XYLT1: variants seen among roughly 807,000 people sequenced by gnomAD.
The protein encoded by XYLT1 is xylosyltransferase 1.
Under a neutral mutation model 91.3 loss-of-function variants are expected in XYLT1, and 36 were observed. The ratio of observed to expected loss-of-function variants is 0.39; its 90% CI spans 0.30 to 0.52. XYLT1 has a LOEUF of 0.52. Ranked by LOEUF, XYLT1 falls within the 20% of genes least tolerant of loss-of-function variation. The pLI is 0.68. For missense variants in XYLT1, 1,242 were observed against 1,284.5 expected, an observed-to-expected ratio of 0.97 and a Z score of 0.51; for synonymous variants, 588 against 532.0, an observed-to-expected ratio of 1.11 and a Z score of -1.45.
rs138525069 is a variant in XYLT1 at position 17,131,729 on chromosome 16, A to C, written c.2027+2744T>G. Among the ~76,000 whole-genome samples, 397 of 152,382 alleles carry C rather than the reference A, an allele frequency of 2.6e-3. 3 individuals are homozygous for C. The Middle Eastern group carries it at 0.031, about 12-fold the overall frequency. On this transcript the variant is annotated intron_variant, in intron 9 of 11. Coordinates refer to ENST00000261381, the MANE Select transcript of XYLT1 (RefSeq NM_022166.4). ...AAAATCAATAAACATTATTTAATGAAAGGTTATATTATAGACTGGAAAGGC... is the reference window on the plus strand; with the variant it reads ...AAAATCAATAAACATTATTTAATGACAGGTTATATTATAGACTGGAAAGGC...
intron 2 of XYLT1, among the ~76,000 whole-genome samples, chr16:17,302,238 A>C (rs749073796): frequency 7.7e-4 from 117 of 152,088 alleles, no homozygotes; most frequent in Middle Eastern, 3.4e-3. Flanking sequence ...ACTAATAATA[A>C]TAATAATAAA....
chr16:17,162,903 G>C (rs2031589151), intron 5 of XYLT1, among the ~76,000 whole-genome samples: 1 of 152,112 alleles, frequency 6.6e-6, no homozygotes, highest in South Asian at 2.1e-4. Context: ...GGAGAACCCG[G>C]ACTATGAATG....
intron 3 of XYLT1, among the ~76,000 whole-genome samples, chr16:17,239,497 C>A (rs1163393890): frequency 8.2e-6 from 1 of 121,710 alleles, no homozygotes; most frequent in South Asian, 3.2e-4. Context: ...CCACCCAGTC[C>A]ATCTATTCAT....
intron 5 of XYLT1, among the ~76,000 whole-genome samples, chr16:17,161,209 C>T (rs1282928458): frequency 6.6e-6 from 1 of 152,202 alleles, no homozygotes; most frequent in Admixed American, 6.5e-5. Flanking sequence ...CACCGAGTCC[C>T]CATCTGACGG....
chr16:17,318,891 G>A (rs1375503257), intron 2 of XYLT1, among the ~76,000 whole-genome samples: 1 of 151,572 alleles, frequency 6.6e-6, no homozygotes, highest in Non-Finnish European at 1.5e-5. Flanking sequence ...GGGTTCAAGC[G>A]ATTCTCCTGC....
intron 4 of XYLT1, among the ~76,000 whole-genome samples, chr16:17,199,487 C>G (rs2032492403): frequency 6.6e-6 from 1 of 152,144 alleles, no homozygotes; most frequent in Non-Finnish European, 1.5e-5. Flanking sequence ...AGTGTACGCA[C>G]TCCTGGGATA....
At position 17,396,079 on chromosome 16, in the gene XYLT1, C is replaced by T. The variant is rs112369942; in HGVS notation, c.364-38029G>A. Among the ~76,000 whole-genome samples, 261 of 152,312 alleles carry T rather than the reference C, an allele frequency of 1.7e-3. 1 individual carries two copies. Among genetic ancestry groups the T allele is most frequent in the African/African-American group, 5.7e-3 (238 of 41,562 alleles). Reference sequence around the variant, plus strand: ...ATTCTCGACGCATGAAAAACAAAGGCGTCTGGCTTGGGAAAGTTTGTCCCA... The same window carrying T: ...ATTCTCGACGCATGAAAAACAAAGGTGTCTGGCTTGGGAAAGTTTGTCCCA... On this transcript the variant is annotated intron_variant, in intron 1 of 11. Transcript: ENST00000261381.
At chr16:17,302,237 A>T in intron 2 of XYLT1, among the ~76,000 whole-genome samples, 1 of 152,074 alleles carries the variant, frequency 6.6e-6, no homozygotes, top group Admixed American at 6.5e-5. Context: ...TACTAATAAT[A>T]ATAATAATAA....
chr16:17,463,519 A>T (rs1354288412), intron 1 of XYLT1, among the ~76,000 whole-genome samples: 1 of 152,236 alleles, frequency 6.6e-6, no homozygotes, highest in Non-Finnish European at 1.5e-5. Context: ...AAGCACAGTG[A>T]GATATCATCT....
intron 1 of XYLT1, among the ~76,000 whole-genome samples, chr16:17,391,103 C>A (rs748488287): frequency 1.3e-5 from 2 of 152,106 alleles, no homozygotes; most frequent in Non-Finnish European, 2.9e-5. Flanking sequence ...GGATTCCCAG[C>A]CATTATTCCT....
At position 17,457,432 on chromosome 16, in the gene XYLT1, A is replaced by G. The variant is rs117173333; in HGVS notation, c.363+13002T>C. Among the ~76,000 whole-genome samples, 70 of 152,356 alleles carry G rather than the reference A, an allele frequency of 4.6e-4. 1 individual carries two copies. In the East Asian group the frequency reaches 0.013, roughly 28 times the overall value. On this transcript the variant is annotated intron_variant, in intron 1 of 11. Transcript: ENST00000261381. ...TTTGTTTGCTTTAATTCTAAAAGAA[A>G]GCCAAACAGCAGTCAGCCTCCAGGC...
intron 1 of XYLT1, among the ~76,000 whole-genome samples, chr16:17,393,925 G>A (rs958721098): frequency 6.6e-5 from 10 of 151,852 alleles, no homozygotes; most frequent in Non-Finnish European, 1.3e-4. Context: ...ACAGGCGCCC[G>A]CCACCGCACC....
chr16:17,342,590 C>T (rs1422362870), intron 2 of XYLT1, among the ~76,000 whole-genome samples: 3 of 152,122 alleles, frequency 2.0e-5, no homozygotes, highest in African/African-American at 4.8e-5. Flanking sequence ...GGCGAGGTGG[C>T]GCGTGCCTGT....
intron 1 of XYLT1, among the ~76,000 whole-genome samples, chr16:17,418,155 C>T (rs749197626): frequency 3.9e-5 from 6 of 152,228 alleles, no homozygotes; most frequent in African/African-American, 7.2e-5. Context: ...TTAGTCATTA[C>T]GTTAGAGAAC....
At chr16:17,349,109 C>T (rs1467349182) in intron 2 of XYLT1, among the ~76,000 whole-genome samples, 1 of 152,178 alleles carries the variant, frequency 6.6e-6, no homozygotes, top group Non-Finnish European at 1.5e-5. Context: ...CTCAAGGTGC[C>T]ACTGCTGTGC....
chr16:17,225,171 A>ACTCTCTCTCT (rs1426554669), intron 3 of XYLT1, among the ~76,000 whole-genome samples: 42 of 97,694 alleles, frequency 4.3e-4, no homozygotes, highest in Admixed American at 1.0e-3. Context: ...ACACACACAC[A>ACTCTCTCTCT]CACACACTCT....
At chr16:17,328,133 G>T (rs1025294184) in intron 2 of XYLT1, among the ~76,000 whole-genome samples, 1 of 152,168 alleles carries the variant, frequency 6.6e-6, no homozygotes, top group African/African-American at 2.4e-5. Flanking sequence ...ATAGTAGGGA[G>T]AGACAGGTGC....
intron 5 of XYLT1, among the ~76,000 whole-genome samples, chr16:17,160,447 A>T (rs4782026): frequency 0.55 from 84,295 of 152,048 alleles, 25,663 homozygotes; most frequent in East Asian, 0.96. Flanking sequence ...CATGTTGACC[A>T]ACTCATAATT....
Position 17,303,027 on chromosome 16 carries a change from A to C in XYLT1, c.403-43529T>G, listed in dbSNP as rs537563672. Among the ~76,000 whole-genome samples, 3 of 150,946 alleles carry C rather than the reference A, an allele frequency of 2.0e-5. No individual in the cohort carries two copies. In the East Asian group the frequency reaches 5.8e-4, roughly 29 times the overall value. On this transcript the variant is annotated intron_variant, in intron 2 of 11. Coordinates refer to ENST00000261381, the MANE Select transcript of XYLT1 (RefSeq NM_022166.4). ...AGGGAAGGGGAGTACATGGGAAAGG[A>C]AAGGGGAGGACTGGAGCTTCAGTCG...
Sources: allele counts gnomAD v4.1 joint callset (sites outside exome capture counted in the v4.1 genomes callset), GRCh38; gene constraint gnomAD v4.1.1; transcripts MANE v1.5; gene names NCBI Gene and HGNC (gene_info 2026-07-23, HGNC 2026-07-21).